LRRC40: variants seen among roughly 807,000 people sequenced by gnomAD.
LRRC40 encodes the protein leucine rich repeat containing 40, also known as leucine-rich repeat-containing protein 40.
A neutral mutation model predicts 72.8 loss-of-function variants in LRRC40; 76 were observed. The ratio of observed to expected loss-of-function variants is 1.04; its 90% CI spans 0.87 to 1.26. The LOEUF (loss-of-function observed/expected upper bound fraction) is 1.26, where lower values mean the gene tolerates loss of function less well. LRRC40 is among the 50% of genes most tolerant of loss of function. The probability of loss-of-function intolerance (pLI) is 0.00; values close to 1 mark genes in which losing one functional copy is unlikely to be tolerated. For synonymous variants in LRRC40, 243 were observed against 254.2 expected (o/e 0.96, Z 0.42); for missense variants, 684 against 698.9 (o/e 0.98, Z 0.24).
intron 13 of LRRC40, among the ~76,000 whole-genome samples, chr1:70,149,999 C>T (rs1290662053): frequency 6.6e-6 from 1 of 152,098 alleles, no homozygotes; most frequent in African/African-American, 2.4e-5. Flanking sequence ...TGGATCACTG[C>T]AACCTCTGCC....
intron 11 of LRRC40, among the ~76,000 whole-genome samples, chr1:70,154,217 C>T (rs781727977): frequency 8.6e-5 from 13 of 151,976 alleles, no homozygotes; most frequent in Admixed American, 8.5e-4. Context: ...TGGGAACTTT[C>T]TAGAGAAAAG....
intron 9 of LRRC40, 113 bp from the exon 10 acceptor site, chr1:70,159,551 T>A (rs1667712688): frequency 2.1e-6 from 1 of 467,090 alleles, no homozygotes; most frequent in Non-Finnish European, 3.9e-6. Flanking sequence ...TTGGTGAGAA[T>A]GCCTTTAGTC....
chr1:70,149,285 C>G (rs545860268), intron 13 of LRRC40, among the ~76,000 whole-genome samples: 32 of 152,324 alleles, frequency 2.1e-4, no homozygotes, highest in African/African-American at 6.7e-4. Flanking sequence ...ATGAGGTGAA[C>G]TGCAGCCTTG....
At chr1:70,159,261 C>G (rs1359940938) in intron 10 of LRRC40, 69 bp downstream of exon 10, 7 of 632,498 alleles carry the variant, frequency 1.1e-5, no homozygotes, top group Non-Finnish European at 1.7e-5. Flanking sequence ...CCAAGAAGCT[C>G]AAGACCAGCC....
chr1:70,205,505 G>C lies in LRRC40; in HGVS notation c.36C>G (p.Leu12=), dbSNP rs755814827. The stretch of plus-strand genomic sequence containing the variant: ...TTCCACCTGCTTTGAAACCAGCGCG[G>C]AGATCCTGCCCCGCTATCCGCTTCA... ...SRLKRIAGQD[L]RAGFKAGGRD... Residue 12 remains leucine, a synonymous_variant, in exon 1 of 15, where the codon CTC becomes CTG. Transcript: ENST00000370952. 4 of 1,603,928 alleles carry C rather than the reference G, an allele frequency of 2.5e-6. No homozygotes were observed. The East Asian group carries it at 6.7e-5, about 27-fold the overall frequency.
chr1:70,177,673 G>T (rs1312024687), intron 6 of LRRC40, among the ~76,000 whole-genome samples: 1 of 152,198 alleles, frequency 6.6e-6, no homozygotes, highest in African/African-American at 2.4e-5. Context: ...ATATACCATA[G>T]ATTTAAGTTG....
chr1:70,200,177 A>T (rs1668704879), intron 1 of LRRC40, among the ~76,000 whole-genome samples: 1 of 152,216 alleles, frequency 6.6e-6, no homozygotes, highest in African/African-American at 2.4e-5. Flanking sequence ...TAGAAATATC[A>T]GGAATGGGGT....
chr1:70,181,480 C>T (rs1353896091), intron 4 of LRRC40, among the ~76,000 whole-genome samples: 3 of 151,946 alleles, frequency 2.0e-5, no homozygotes, highest in East Asian at 1.9e-4. Flanking sequence ...TTTTACATAA[C>T]GGATTCTGTT....
Position 70,145,692 on chromosome 1 carries a change from T to C in LRRC40, c.*108A>G. On this transcript the variant is annotated 3_prime_UTR_variant, in exon 15 of 15. Coordinates refer to ENST00000370952, the MANE Select transcript of LRRC40 (RefSeq NM_017768.5). The stretch of plus-strand genomic sequence containing the variant: ...TAGGTGATACTGGGAAACTACAAGA[T>C]CAATTACAATAATCACCTTTTAAGA... The C allele has an allele frequency of 1.8e-6, 1 of 565,578 alleles. No individual in the cohort carries two copies. Among genetic ancestry groups the C allele is most frequent in the South Asian group, 3.1e-5 (1 of 32,632 alleles). 35.0% of individuals were successfully genotyped at this position (565,578 alleles called of 1,614,324 possible).
intron 9 of LRRC40, among the ~76,000 whole-genome samples, chr1:70,160,904 CAAT>C: frequency 6.7e-6 from 1 of 150,116 alleles, no homozygotes; most frequent in South Asian, 2.1e-4. Flanking sequence ...GTGCCAAACA[CAAT>C]AAATAAAAGT....
At chr1:70,201,827 A>G (rs1668747013) in intron 1 of LRRC40, among the ~76,000 whole-genome samples, 1 of 151,998 alleles carries the variant, frequency 6.6e-6, no homozygotes. Context: ...ACAAAAAAAA[A>G]TTAGCCAGGC....
chr1:70,173,584 T>A (rs1370568193), intron 8 of LRRC40, 38 bp downstream of exon 8: 2 of 1,497,780 alleles, frequency 1.3e-6, no homozygotes, highest in East Asian at 2.3e-5. Context: ...ATGTCTGAAT[T>A]TCAATTTAAC....
At chr1:70,156,289 A>G (rs1667634719) in intron 10 of LRRC40, among the ~76,000 whole-genome samples, 1 of 152,102 alleles carries the variant, frequency 6.6e-6, no homozygotes, top group Admixed American at 6.5e-5. Context: ...TAATTAATTT[A>G]AAATTAGTTT....
At chr1:70,165,993 G>A (rs1667872864) in intron 9 of LRRC40, among the ~76,000 whole-genome samples, 1 of 152,264 alleles carries the variant, frequency 6.6e-6, no homozygotes, top group African/African-American at 2.4e-5. Flanking sequence ...GCCTTTGTAT[G>A]TATGTGCAAA....
intron 6 of LRRC40, 30 bp from the exon 7 acceptor site, chr1:70,176,012 C>T: frequency 7.2e-7 from 1 of 1,389,012 alleles, no homozygotes; most frequent in Non-Finnish European, 9.6e-7. Flanking sequence ...TTATGTGTAT[C>T]TCTGTATTCA....
chr1:70,158,751 C>G (rs1392074751), intron 10 of LRRC40, among the ~76,000 whole-genome samples: 1 of 152,090 alleles, frequency 6.6e-6, no homozygotes, highest in Non-Finnish European at 1.5e-5. Flanking sequence ...GCCTGCTGGT[C>G]AAGGTTTTCA....
At chr1:70,159,697 C>A (rs966743641) in intron 9 of LRRC40, among the ~76,000 whole-genome samples, 4 of 152,084 alleles carry the variant, frequency 2.6e-5, no homozygotes, top group African/African-American at 9.7e-5. Context: ...TAAGAAAGAA[C>A]CTTCATAGAA....
intron 10 of LRRC40, 105 bp from the exon 11 acceptor site, chr1:70,155,901 T>C (rs906963401): frequency 7.6e-5 from 36 of 472,486 alleles, no homozygotes; most frequent in East Asian, 4.3e-4. Context: ...ATGAAATTTT[T>C]CAAAGCCATT....
At chr1:70,173,260 G>A (rs1668035942) in intron 9 of LRRC40, among the ~76,000 whole-genome samples, 1 of 151,946 alleles carries the variant, frequency 6.6e-6, no homozygotes, top group Non-Finnish European at 1.5e-5. Context: ...AGGGATTACA[G>A]ATAGTACATT....
Sources: gnomAD v4.1 joint callset for allele counts (sites outside exome capture counted in the v4.1 genomes callset) on GRCh38, gnomAD v4.1.1 for gene constraint, MANE v1.5 for transcripts, NCBI Gene and HGNC (gene_info 2026-07-23, HGNC 2026-07-21) for gene names.